The following NPIPB7 variants were observed in gnomAD, a reference collection of about 807,000 sequenced individuals.
NPIPB7 encodes the protein nuclear pore complex-interacting protein family member B7.
For missense variants in NPIPB7, 14 were observed against 238.5 expected, an observed-to-expected ratio of 0.06 and a Z score of 6.20; for synonymous variants, 9 against 88.1, an observed-to-expected ratio of 0.10 and a Z score of 5.03.
At chr16:28,472,252 A>T (rs918940502), upstream of NPIPB7, among the ~76,000 whole-genome samples, 3 of 152,062 alleles carry the variant, frequency 2.0e-5, no homozygotes, top group African/African-American at 7.2e-5. Flanking sequence ...GTCTCTACCA[A>T]AAAAATGTAC....
chr16:28,469,772 G>A (rs961624793), intron 1 of NPIPB7: 193 of 376,992 alleles, frequency 5.1e-4, no homozygotes, highest in East Asian at 7.9e-4. Flanking sequence ...GGATCACGAG[G>A]TCAAGAGATG....
exon 7 of NPIPB7, chr16:28,456,974 A>C: frequency 1.5e-6 from 2 of 1,322,894 alleles, no homozygotes; most frequent in Non-Finnish European, 2.1e-6. Flanking sequence ...TGTGAGGTAG[A>C]GCCAGTAGGG....
intron 4 of NPIPB7, among the ~76,000 whole-genome samples, chr16:28,462,204 G>A (rs1822338891): frequency 6.7e-6 from 1 of 149,856 alleles, no homozygotes; most frequent in South Asian, 2.1e-4. Flanking sequence ...TGGATTACCT[G>A]AGGTCAGAAG....
intron 1 of NPIPB7, among the ~76,000 whole-genome samples, chr16:28,470,001 GATGACACAAATCAA>G (rs1231846466): frequency 8.1e-5 from 12 of 147,262 alleles, no homozygotes; most frequent in Admixed American, 6.7e-4. Context: ...CATCAAACCA[GATGACACAAATCAA>G]ATGACATTTC....
chr16:28,468,756 G>A (rs1280672634), intron 1 of NPIPB7, among the ~76,000 whole-genome samples: 11 of 117,100 alleles, frequency 9.4e-5, no homozygotes, highest in South Asian at 5.3e-4. Flanking sequence ...GCAGTGAGCC[G>A]AGATCGCACC....
upstream of NPIPB7, among the ~76,000 whole-genome samples, chr16:28,472,090 A>G (rs1253240454): frequency 6.6e-6 from 1 of 152,244 alleles, no homozygotes; most frequent in African/African-American, 2.4e-5. Flanking sequence ...ACAAAGCTAT[A>G]GTAATTAAGA....
chr16:28,470,523 C>A (rs539540078), exon 1 of NPIPB7: 104 of 782,610 alleles, frequency 1.3e-4, no homozygotes, highest in Non-Finnish European at 1.6e-4. Context: ...GGGACGGGGA[C>A]CGGGGCCGGA....
upstream of NPIPB7, among the ~76,000 whole-genome samples, chr16:28,471,964 A>C (rs1364601587): frequency 6.6e-6 from 1 of 152,058 alleles, no homozygotes; most frequent in Non-Finnish European, 1.5e-5. Context: ...TGGAAGATGG[A>C]GTTTGCAGTG....
chr16:28,472,184 G>A (rs1030977348), upstream of NPIPB7, among the ~76,000 whole-genome samples: 2 of 152,182 alleles, frequency 1.3e-5, no homozygotes, highest in African/African-American at 4.8e-5. Context: ...AGGTCAAGGT[G>A]GGCAGATCAT....
At chr16:28,459,078 CTG>C (rs2045858185) in intron 4 of NPIPB7, among the ~76,000 whole-genome samples, 1 of 97,220 alleles carries the variant, frequency 1.0e-5, no homozygotes, top group African/African-American at 3.6e-5. Flanking sequence ...CTGATCCAAA[CTG>C]TTGCTGTATT....
chr16:28,463,396 C>CACAG lies in NPIPB7; in HGVS notation c.250-316_250-315insCTGT. Among the ~76,000 whole-genome samples, 2 of 60,658 alleles carry CACAG rather than the reference C, an allele frequency of 3.3e-5. 1 individual carries two copies. Among genetic ancestry groups the CACAG allele is most frequent in the East Asian group, 1.0e-3 (2 of 2,010 alleles). The allele number at this position is 60,658 out of a possible 152,430, so 39.8% of individuals were successfully genotyped here. On this transcript the variant is annotated intron_variant, in intron 2 of 6. Coordinates refer to ENST00000452313, the Ensembl canonical transcript of NPIPB7. ...ACAGAATGAGACTCTGTCTCACACA[C>CACAG]ACACACACACACACACACACACACA...
At position 28,464,033 on chromosome 16, in the gene NPIPB7, C is replaced by CA. The variant is rs1221794474; in HGVS notation, c.250-953dup. Among the ~76,000 whole-genome samples, 4 of 26,022 alleles carry CA rather than the reference C, an allele frequency of 1.5e-4. No homozygotes were observed. The East Asian group carries it at 3.4e-3, about 22-fold the overall frequency. The allele number at this position is 26,022 out of a possible 152,430, so 17.1% of individuals were successfully genotyped here. ...CTGGTGACAGAGTGAGACTCCGTCTCAAAAAAAAAAAAAAAAAAAATGACA... is the reference window on the plus strand; with the variant it reads ...CTGGTGACAGAGTGAGACTCCGTCTCAAAAAAAAAAAAAAAAAAAAATGACA... On this transcript the variant is annotated intron_variant, in intron 2 of 6. Coordinates refer to ENST00000452313, the Ensembl canonical transcript of NPIPB7.
intron 2 of NPIPB7, among the ~76,000 whole-genome samples, chr16:28,463,389 T>TCACACACACA (rs57853696): frequency 1.3e-4 from 6 of 45,830 alleles, no homozygotes; most frequent in Non-Finnish European, 2.2e-4. Flanking sequence ...AGACTCTGTC[T>TCACACACACA]CACACACACA....
intron 4 of NPIPB7, among the ~76,000 whole-genome samples, chr16:28,461,973 G>A (rs2045873290): frequency 6.9e-6 from 1 of 144,182 alleles, no homozygotes; most frequent in African/African-American, 2.6e-5. Flanking sequence ...AAAAAAAATT[G>A]GCCGAATGTG....
upstream of NPIPB7, among the ~76,000 whole-genome samples, chr16:28,470,800 C>G: frequency 6.8e-6 from 1 of 146,098 alleles, no homozygotes; most frequent in South Asian, 2.3e-4. Flanking sequence ...CTACAGGTCA[C>G]GGAGAAGATC....
exon 1 of NPIPB7, chr16:28,470,490 G>C: frequency 6.7e-7 from 1 of 1,501,798 alleles, no homozygotes; most frequent in South Asian, 1.2e-5. Context: ...GGTGGAGGTG[G>C]CTTAGGGCAG....
At chr16:28,463,593 G>A (rs1274798684) in intron 2 of NPIPB7, among the ~76,000 whole-genome samples, 5 of 145,104 alleles carry the variant, frequency 3.4e-5, no homozygotes, top group East Asian at 2.2e-4. Flanking sequence ...AGGCATGGTG[G>A]TGCATGCCTG....
upstream of NPIPB7, among the ~76,000 whole-genome samples, chr16:28,471,778 TA>T (rs1162020158): frequency 6.3e-4 from 93 of 148,426 alleles, no homozygotes; most frequent in African/African-American, 1.8e-3. Flanking sequence ...TCCTTATCTA[TA>T]ATCATCTTAC....
chr16:28,472,050 A>T (rs1261257540), upstream of NPIPB7, among the ~76,000 whole-genome samples: 1 of 152,156 alleles, frequency 6.6e-6, no homozygotes, highest in Non-Finnish European at 1.5e-5. Context: ...AAGTTGGAGG[A>T]TTCACATTTC....
Sources: gnomAD v4.1 joint callset for allele counts (sites outside exome capture counted in the v4.1 genomes callset) on GRCh38, gnomAD v4.1.1 for gene constraint, MANE v1.5 for transcripts, NCBI Gene and HGNC (gene_info 2026-07-23, HGNC 2026-07-21) for gene names.